The following CYFIP2 variants were observed in gnomAD, a reference collection of about 807,000 sequenced individuals.
The protein encoded by CYFIP2 is cytoplasmic FMR1-interacting protein 2.
A neutral mutation model predicts 158.7 loss-of-function variants in CYFIP2; 29 were observed. That is an observed-to-expected ratio of 0.18 (90% CI 0.14 to 0.25). The LOEUF (loss-of-function observed/expected upper bound fraction) is 0.25, where lower values mean the gene tolerates loss of function less well. CYFIP2 is among the 10% of genes least tolerant of loss of function. The probability of loss-of-function intolerance (pLI) is 1.00; values close to 1 mark genes in which losing one functional copy is unlikely to be tolerated. For synonymous variants in CYFIP2, 585 were observed against 617.6 expected (o/e 0.95, Z 0.78); for missense variants, 852 against 1,639.5 (o/e 0.52, Z 8.29).
At chr5:157,365,404 C>T (rs2113396889) in intron 26 of CYFIP2, 1 of 152,126 alleles carries the variant, frequency 6.6e-6, no homozygotes, top group East Asian at 1.9e-4. Context: ...AACAGTTGAT[C>T]ACTTGGACAA....
chr5:157,356,164 A>C (rs1294208934), intron 23 of CYFIP2, among the ~76,000 whole-genome samples: 2 of 152,146 alleles, frequency 1.3e-5, no homozygotes, highest in Non-Finnish European at 2.9e-5. Flanking sequence ...GAGAAGTCTA[A>C]GATTAAGGTG....
intron 17 of CYFIP2, 34 bp downstream of exon 17, chr5:157,325,672 T>A (rs1204477378): frequency 6.4e-7 from 1 of 1,565,474 alleles, no homozygotes; most frequent in Non-Finnish European, 8.7e-7. Flanking sequence ...AAGTGGCTCC[T>A]GGGGTACAAG....
At chr5:157,368,731 T>C (rs1764675078) in intron 26 of CYFIP2, among the ~76,000 whole-genome samples, 1 of 77,768 alleles carries the variant, frequency 1.3e-5, no homozygotes, top group South Asian at 3.1e-4. Context: ...TAAGAGTCAC[T>C]GGTTCCACAG....
At chr5:157,271,114 C>T (rs1346592265) in intron 1 of CYFIP2, among the ~76,000 whole-genome samples, 1 of 152,084 alleles carries the variant, frequency 6.6e-6, no homozygotes, top group Non-Finnish European at 1.5e-5. Context: ...GGCATGTCTT[C>T]GTGTGGGCCA....
At chr5:157,362,217 G>A (rs1190706894) in intron 26 of CYFIP2, among the ~76,000 whole-genome samples, 1 of 152,202 alleles carries the variant, frequency 6.6e-6, no homozygotes, top group East Asian at 1.9e-4. Flanking sequence ...CAGCTTGTGG[G>A]TATGGCTTCT....
At chr5:157,312,483 C>T (rs751276482) in intron 11 of CYFIP2, among the ~76,000 whole-genome samples, 6 of 152,150 alleles carry the variant, frequency 3.9e-5, no homozygotes, top group Non-Finnish European at 7.4e-5. Context: ...TCATCCCATA[C>T]GTACCCTCCT....
chr5:157,308,342 C>T (rs1759422269), intron 9 of CYFIP2, among the ~76,000 whole-genome samples: 1 of 152,160 alleles, frequency 6.6e-6, no homozygotes, highest in Admixed American at 6.5e-5. Context: ...CAGGGACCAC[C>T]TCAGCTTGCC....
intron 23 of CYFIP2, among the ~76,000 whole-genome samples, chr5:157,352,160 A>AT (rs1763116430): frequency 1.3e-5 from 2 of 152,204 alleles, no homozygotes; most frequent in African/African-American, 4.8e-5. Flanking sequence ...CATTCATTCA[A>AT]TTATTCCAAT....
chr5:157,338,009 C>G (rs990527322), intron 21 of CYFIP2, among the ~76,000 whole-genome samples: 3 of 152,226 alleles, frequency 2.0e-5, no homozygotes, highest in African/African-American at 7.2e-5. Flanking sequence ...TGTACCGATC[C>G]TAAAAGATGG....
At position 157,309,746 on chromosome 5, in the gene CYFIP2, C is replaced by T. The variant is rs1265391865; in HGVS notation, c.904C>T (p.Leu302=). 1.2e-6 allele frequency: 2 copies of T among 1,602,824 alleles called. No individual in the cohort carries two copies. Among genetic ancestry groups the T allele is most frequent in the Non-Finnish European group, 1.7e-6 (2 of 1,174,798 alleles). Residue 302 remains leucine (L), a synonymous_variant, in exon 10 of 31, where the codon CTG becomes TTG. Transcript: ENST00000620254. Reference sequence around the variant, plus strand: ...GCTGTGTTTGCTTCCTTTGCAGCAGCTGCAGGTGGTGCCCCTTTTCGGCGA... The same window carrying T: ...GCTGTGTTTGCTTCCTTTGCAGCAGTTGCAGGTGGTGCCCCTTTTCGGCGA... ...LSKIDKFFKQ[L]QVVPLFGDMQ...
At chr5:157,309,338 GA>G (rs968669156) in intron 9 of CYFIP2, among the ~76,000 whole-genome samples, 1 of 152,190 alleles carries the variant, frequency 6.6e-6, no homozygotes, top group African/African-American at 2.4e-5. Flanking sequence ...ACTTTCTCAG[GA>G]AGACCAACAG....
intron 26 of CYFIP2, among the ~76,000 whole-genome samples, chr5:157,370,832 T>C (rs1041933274): frequency 1.3e-5 from 2 of 152,230 alleles, no homozygotes; most frequent in African/African-American, 4.8e-5. Context: ...ATAATAATTC[T>C]ATTATCCCCT....
chr5:157,371,226 G>A (rs997426826), intron 26 of CYFIP2, among the ~76,000 whole-genome samples: 1 of 152,150 alleles, frequency 6.6e-6, no homozygotes, highest in African/African-American at 2.4e-5. Flanking sequence ...TCCATATAAG[G>A]GAATGTTTAG....
chr5:157,343,281 T>C (rs370475872), intron 23 of CYFIP2: 10 of 1,614,016 alleles, frequency 6.2e-6, no homozygotes, highest in Non-Finnish European at 8.5e-6. Flanking sequence ...CAGTAGTGCC[T>C]GTAAGGGAAG....
At chr5:157,278,349 T>C (rs1756725888) in intron 1 of CYFIP2, among the ~76,000 whole-genome samples, 1 of 152,266 alleles carries the variant, frequency 6.6e-6, no homozygotes, top group East Asian at 1.9e-4. Flanking sequence ...CTAATCTTTC[T>C]AGCTTGCCAG....
At chr5:157,332,254 G>A (rs914714000) in intron 20 of CYFIP2, among the ~76,000 whole-genome samples, 6 of 152,124 alleles carry the variant, frequency 3.9e-5, no homozygotes, top group Non-Finnish European at 5.9e-5. Flanking sequence ...AGAATAATAC[G>A]ATAAACACTT....
intron 15 of CYFIP2, 95 bp from the exon 16 acceptor site, chr5:157,323,826 G>GAAA: frequency 1.6e-4 from 189 of 1,159,126 alleles, no homozygotes; most frequent in South Asian, 4.6e-4. Context: ...GACATCTGCA[G>GAAA]AAAAAAAAAA....
chr5:157,376,292 T>G (rs2113472172), intron 26 of CYFIP2: 1 of 152,378 alleles, frequency 6.6e-6, no homozygotes, highest in African/African-American at 2.4e-5. Flanking sequence ...CCCAATTGAT[T>G]CTGTTTTATT....
At position 157,309,976 on chromosome 5, in the gene CYFIP2, G is replaced by A. The variant is rs544404380; in HGVS notation, c.992+142G>A. ...TCAGAACACAGGTGCCGGCCGGAGG[G>A]GAGCCGCGAGGGTGCTCTGAGCCCT... On this transcript the variant is annotated intron_variant, in intron 10 of 30. Transcript: ENST00000620254. 34 of 774,054 alleles carry A rather than the reference G, an allele frequency of 4.4e-5. No individual in the cohort carries two copies. The East Asian group carries it at 9.3e-4, about 21-fold the overall frequency. The allele number at this position is 774,054 out of a possible 1,614,324, so 47.9% of individuals were successfully genotyped here. A position where few individuals can be genotyped will look rare whatever the true frequency, so the allele number is the denominator to read the frequency against.
Sources: allele counts gnomAD v4.1 joint callset (sites outside exome capture counted in the v4.1 genomes callset), GRCh38; gene constraint gnomAD v4.1.1; transcripts MANE v1.5; gene names NCBI Gene and HGNC (gene_info 2026-07-23, HGNC 2026-07-21).